Variants in PHLDB2 observed in about 807,000 individuals in gnomAD.
PHLDB2 encodes pleckstrin homology like domain family B member 2, also known as pleckstrin homology-like domain family B member 2.
A neutral mutation model predicts 123.6 loss-of-function variants in PHLDB2; 71 were observed. The observed-to-expected ratio is 0.57, with a 90% CI of 0.47 to 0.70. PHLDB2 has a LOEUF of 0.70. Ranked by LOEUF, PHLDB2 falls within the 30% of genes least tolerant of loss-of-function variation. The probability of loss-of-function intolerance (pLI) is 0.00; values close to 1 mark genes in which losing one functional copy is unlikely to be tolerated. For missense variants in PHLDB2, 1,446 were observed against 1,519.5 expected, an observed-to-expected ratio of 0.95 and a Z score of 0.80; for synonymous variants, 547 against 541.6, an observed-to-expected ratio of 1.01 and a Z score of -0.14.
intron 7 of PHLDB2, among the ~76,000 whole-genome samples, chr3:111,940,231 G>A (rs546893576): frequency 1.2e-4 from 19 of 152,180 alleles, no homozygotes; most frequent in Admixed American, 3.9e-4. Flanking sequence ...CTCATGAGGC[G>A]TACCCAAGAT....
At chr3:111,954,826 A>G (rs1217608977) in intron 12 of PHLDB2, among the ~76,000 whole-genome samples, 11 of 152,218 alleles carry the variant, frequency 7.2e-5, no homozygotes, top group Non-Finnish European at 1.5e-5. Flanking sequence ...GATGATTTCA[A>G]TAAAATGTGG....
At chr3:111,801,682 C>T (rs562979275) in intron 1 of PHLDB2, among the ~76,000 whole-genome samples, 22 of 152,210 alleles carry the variant, frequency 1.4e-4, no homozygotes, top group African/African-American at 5.1e-4. Flanking sequence ...AATTTTGATA[C>T]ATGTAACACC....
rs576870868 is a variant in PHLDB2 at position 111,863,893 on chromosome 3, G to A, written c.-15+4317G>A. ...TAATTACAAACATGTATACTCTCCT[G>A]TTTACATTGCTATGGTTAGCCATTA... On this transcript the variant is annotated intron_variant, in intron 1 of 17. Transcript: ENST00000431670. Among the ~76,000 whole-genome samples, 4 of 152,302 alleles carry A rather than the reference G, an allele frequency of 2.6e-5. No homozygotes were observed. In the East Asian group the frequency reaches 7.7e-4, roughly 29 times the overall value.
Position 111,883,777 on chromosome 3 carries a change from T to G in PHLDB2, c.-14-287T>G, listed in dbSNP as rs532327317. On this transcript the variant is annotated intron_variant, in intron 1 of 17. Coordinates refer to ENST00000431670, the MANE Select transcript of PHLDB2 (RefSeq NM_001134438.2). The stretch of plus-strand genomic sequence containing the variant: ...ATTAAGGACAAATTGTCTTTTTTAA[T>G]GTACCAGCCTAATCCTGCACCTTTA... 2.0e-5 allele frequency among the ~76,000 whole-genome samples: 3 copies of G among 152,252 alleles called. No individual in the cohort carries two copies. In the East Asian group the frequency reaches 5.8e-4, roughly 29 times the overall value.
chr3:111,800,728 T>G (rs1055691696), intron 1 of PHLDB2, among the ~76,000 whole-genome samples: 5 of 152,182 alleles, frequency 3.3e-5, no homozygotes, highest in Non-Finnish European at 5.9e-5. Flanking sequence ...AGTACCTGAT[T>G]TAAAGGGGAC....
At chr3:111,749,663 C>T (rs996923181) in intron 1 of PHLDB2, among the ~76,000 whole-genome samples, 3 of 152,180 alleles carry the variant, frequency 2.0e-5, no homozygotes, top group African/African-American at 7.2e-5. Context: ...CTGGAGAAGT[C>T]ACAGCTGAAC....
At chr3:111,859,886 G>C in intron 1 of PHLDB2, 2 of 983,234 alleles carry the variant, frequency 2.0e-6, no homozygotes, top group Non-Finnish European at 2.4e-6. Context: ...ACGGTGAGTG[G>C]GCTCCGGGGA....
rs369270236 is a variant in PHLDB2, at chr3:111,766,430, TGA to T, written c.-49+33730_-49+33731del. ...CTGCACTCCATCGTGGGCGACAGAG[TGA>T]GACTCTGTCTCAAAAAAAAAAAAAA... On this transcript the variant is annotated intron_variant, in intron 1 of 17. Transcript: ENST00000393923. Among the ~76,000 whole-genome samples, 236 of 132,398 alleles carry T rather than the reference TGA, an allele frequency of 1.8e-3. 1 individual carries two copies. Among genetic ancestry groups the T allele is most frequent in the African/African-American group, 6.6e-3 (221 of 33,336 alleles). The allele number at this position is 132,398 out of a possible 152,430, so 86.9% of individuals were successfully genotyped here.
chr3:111,921,837 C>T (rs145483450), intron 5 of PHLDB2, among the ~76,000 whole-genome samples: 3,284 of 152,222 alleles, frequency 0.022, 50 homozygotes, highest in Non-Finnish European at 0.035. Context: ...CTCCTGACCT[C>T]GTGATCCGCC....
intron 15 of PHLDB2, among the ~76,000 whole-genome samples, chr3:111,968,780 T>G (rs1011358752): frequency 1.3e-5 from 2 of 152,216 alleles, no homozygotes; most frequent in African/African-American, 4.8e-5. Flanking sequence ...TTTATTTTAT[T>G]TCATCATGCC....
chr3:111,968,649 A>G (rs571723087), intron 15 of PHLDB2, among the ~76,000 whole-genome samples: 1 of 152,380 alleles, frequency 6.6e-6, no homozygotes, highest in South Asian at 2.1e-4. Flanking sequence ...TATAGCAGTT[A>G]GAGACTATCT....
intron 1 of PHLDB2, among the ~76,000 whole-genome samples, chr3:111,863,858 A>G (rs1435879208): frequency 6.6e-6 from 1 of 152,226 alleles, no homozygotes; most frequent in Non-Finnish European, 1.5e-5. Flanking sequence ...GTTGTACACC[A>G]TAGCCTGATT....
At chr3:111,836,837 C>A (rs905110936) in intron 1 of PHLDB2, among the ~76,000 whole-genome samples, 1 of 152,098 alleles carries the variant, frequency 6.6e-6, no homozygotes, top group Admixed American at 6.6e-5. Context: ...GAGTGGACCA[C>A]CCCGATGATC....
At chr3:111,824,994 C>T (rs372004163) in intron 1 of PHLDB2, among the ~76,000 whole-genome samples, 107 of 152,194 alleles carry the variant, frequency 7.0e-4, no homozygotes, top group African/African-American at 2.4e-3. Flanking sequence ...GCCTCATCTG[C>T]TCACGTAAAT....
chr3:111,909,773 T>A (rs2107490466), intron 2 of PHLDB2, among the ~76,000 whole-genome samples: 1 of 147,274 alleles, frequency 6.8e-6, no homozygotes, highest in South Asian at 2.2e-4. Flanking sequence ...TAATAGGTCC[T>A]CCTAAAAAAA....
At chr3:111,924,506 A>G (rs2068705771) in intron 5 of PHLDB2, among the ~76,000 whole-genome samples, 1 of 152,260 alleles carries the variant, frequency 6.6e-6, no homozygotes, top group South Asian at 2.1e-4. Context: ...GCCAAGTTTC[A>G]GGACAGCTGG....
rs547296879 is a variant in PHLDB2 at position 111,780,070 on chromosome 3, T to C, written c.-49+47367T>C. ...GTTCTCAGATGTTCACTTCATTCTG[T>C]ACATTATTAGAAAGGCTAAAGTATA... On this transcript the variant is annotated intron_variant, in intron 1 of 17. Coordinates refer to the PHLDB2 transcript ENST00000393923. Among the ~76,000 whole-genome samples the C allele has an allele frequency of 3.6e-4, 55 of 151,776 alleles. 1 individual carries two copies. The highest frequency in any genetic ancestry group is 1.9e-3 in the South Asian group (9 of 4,792).
intron 6 of PHLDB2, among the ~76,000 whole-genome samples, chr3:111,938,563 A>T (rs2107594284): frequency 6.6e-6 from 1 of 152,288 alleles, no homozygotes; most frequent in South Asian, 2.1e-4. Flanking sequence ...ATTAGAAAAC[A>T]TATGTTGAGA....
intron 1 of PHLDB2, among the ~76,000 whole-genome samples, chr3:111,752,428 A>T (rs1379910445): frequency 6.6e-6 from 1 of 152,122 alleles, no homozygotes; most frequent in East Asian, 1.9e-4. Flanking sequence ...TCACATTAAT[A>T]TTTTATTACT....
Sources: gnomAD v4.1 joint callset for allele counts (sites outside exome capture counted in the v4.1 genomes callset) on GRCh38, gnomAD v4.1.1 for gene constraint, MANE v1.5 for transcripts, NCBI Gene and HGNC (gene_info 2026-07-23, HGNC 2026-07-21) for gene names.